Variants in C9orf72 observed in about 807,000 individuals in gnomAD.
C9orf72 encodes the protein guanine nucleotide exchange factor C9orf72.
In C9orf72, 44 loss-of-function variants were observed where a neutral mutation model predicts 51.6. The ratio of observed to expected loss-of-function variants is 0.85; its 90% CI spans 0.67 to 1.10. C9orf72 has a LOEUF of 1.10. Ranked by LOEUF, C9orf72 falls within the 50% of genes least tolerant of loss-of-function variation. C9orf72 has a pLI of 0.00. For synonymous variants in C9orf72, 213 were observed against 194.2 expected (o/e 1.10, Z -0.81); for missense variants, 607 against 570.6 (o/e 1.06, Z -0.65).
At chr9:27,570,724 G>A (rs763035005) in intron 1 of C9orf72, among the ~76,000 whole-genome samples, 9 of 152,148 alleles carry the variant, frequency 5.9e-5, no homozygotes, top group East Asian at 3.9e-4. Context: ...AAAATTAGCC[G>A]GGTGTGGTGG....
intron 7 of C9orf72, 34 bp from the exon 8 acceptor site, chr9:27,556,830 A>G (rs775411963): frequency 7.7e-7 from 1 of 1,305,696 alleles, no homozygotes; most frequent in African/African-American, 1.5e-5. Flanking sequence ...ACTGTCTTAC[A>G]TGCCAAACGA....
chr9:27,566,507 G>A (rs971080623), intron 2 of C9orf72, among the ~76,000 whole-genome samples, 170 bp downstream of exon 2: 14 of 152,130 alleles, frequency 9.2e-5, no homozygotes, highest in African/African-American at 3.4e-4. Context: ...ATATGAAGAT[G>A]ACAGGTATCA....
chr9:27,561,692 A>G, intron 4 of C9orf72, 43 bp from the exon 5 acceptor site: 1 of 1,260,766 alleles, frequency 7.9e-7, no homozygotes, highest in Non-Finnish European at 1.1e-6. Context: ...TGGCTGTAAC[A>G]TAGTGTTGAA....
At position 27,556,692 on chromosome 9, in the gene C9orf72, G is replaced by T. The variant is rs759330431; in HGVS notation, c.960C>A (p.Pro320=). The change falls in exon 8 of 11, where the codon CCC becomes CCA. Residue 320 remains proline, a synonymous_variant. Transcript: ENST00000380003. ...VDVNTVKQMP[P]CHEHIYNQRR... is the part of the protein sequence containing the mutation. The stretch of plus-strand genomic sequence containing the variant: ...GCTGATTATAAATATGTTCATGACA[G>T]GGTGGCATCTGCTTCACAGTATTGA... 3.1e-6 allele frequency: 5 copies of T among 1,613,842 alleles called. No homozygotes were observed. The highest frequency in any genetic ancestry group is 4.2e-6 in the Non-Finnish European group (5 of 1,179,798).
chr9:27,573,082 G>A (rs917026693), intron 1 of C9orf72, among the ~76,000 whole-genome samples: 3 of 152,132 alleles, frequency 2.0e-5, no homozygotes, highest in Non-Finnish European at 2.9e-5. Context: ...AGGCCTCTCA[G>A]TACCCGAGGC....
rs886063841 is a variant in C9orf72, at chr9:27,548,163, C to T, written c.*73G>A. The T allele has an allele frequency of 2.2e-5, 25 of 1,156,666 alleles. No individual in the cohort carries two copies. The Admixed American group carries it at 4.1e-4, about 19-fold the overall frequency. The allele number at this position is 1,156,666 out of a possible 1,614,324, so 71.7% of individuals were successfully genotyped here. ...AATTCTGGAGTATGATCCAGGGGAA[C>T]GTTTCCCCACACCACTGAGCTACTT... On this transcript the variant is annotated 3_prime_UTR_variant, in exon 11 of 11. Coordinates refer to ENST00000380003, the MANE Select transcript of C9orf72 (RefSeq NM_018325.5).
At chr9:27,558,393 T>G in intron 7 of C9orf72, 98 bp downstream of exon 7, 44 of 733,592 alleles carry the variant, frequency 6.0e-5, no homozygotes, top group Non-Finnish European at 7.0e-5. Context: ...CATGTCAATA[T>G]GAGATACATT....
chr9:27,548,956 T>G (rs1820846364), intron 9 of C9orf72, among the ~76,000 whole-genome samples: 1 of 152,128 alleles, frequency 6.6e-6, no homozygotes, highest in African/African-American at 2.4e-5. Context: ...GCGATTCTCC[T>G]GCCTCAGCCT....
intron 1 of C9orf72, among the ~76,000 whole-genome samples, chr9:27,572,463 C>CTTT (rs35095891): frequency 8.3e-4 from 123 of 148,052 alleles, no homozygotes; most frequent in East Asian, 2.4e-3. Context: ...TTAACAGTAT[C>CTTT]TTTTTTTTTT....
chr9:27,562,794 C>T (rs1345670054), intron 3 of C9orf72, among the ~76,000 whole-genome samples: 1 of 151,888 alleles, frequency 6.6e-6, no homozygotes, highest in Non-Finnish European at 1.5e-5. Flanking sequence ...GTCTCATCCT[C>T]CCAAGTAGCT....
intron 1 of C9orf72, among the ~76,000 whole-genome samples, chr9:27,568,778 G>A (rs1468610082): frequency 6.6e-6 from 1 of 151,510 alleles, no homozygotes; most frequent in Non-Finnish European, 1.5e-5. Context: ...CTACATTGCT[G>A]GTTTATGTAT....
intron 5 of C9orf72, chr9:27,560,974 T>C (rs1819329359): frequency 5.1e-6 from 1 of 194,188 alleles, no homozygotes; most frequent in Non-Finnish European, 9.4e-6. Flanking sequence ...TATGAGCTAT[T>C]ATTAAGTGTT....
chr9:27,550,668 C>T lies in C9orf72; in HGVS notation c.1131G>A (p.Val377=). ...CATTTACCTGATCCAGGAAGGCTTT[C>T]ACTAGAGTGTCTCTGTGTAAGACAT... ...FQDVLHRDTL[V]KAFLDQVFQL... Residue 377 remains valine, a synonymous_variant, in exon 9 of 11, where the codon GTG becomes GTA. Coordinates refer to ENST00000380003, the MANE Select transcript of C9orf72 (RefSeq NM_018325.5). 6.3e-7 allele frequency: 1 copy of T among 1,589,622 alleles called. No homozygotes were observed. The highest frequency in any genetic ancestry group is 1.3e-5 in the African/African-American group (1 of 74,248).
intron 2 of C9orf72, among the ~76,000 whole-genome samples, 161 bp from the exon 3 acceptor site, chr9:27,565,751 T>A (rs1819453883): frequency 6.6e-6 from 1 of 152,084 alleles, no homozygotes. Flanking sequence ...ACCCAACAAA[T>A]GCATGTTCTC....
At chr9:27,554,280 G>T (rs1820966076) in intron 8 of C9orf72, among the ~76,000 whole-genome samples, 1 of 152,096 alleles carries the variant, frequency 6.6e-6, no homozygotes, top group African/African-American at 2.4e-5. Context: ...GCCTATCAAT[G>T]GTAGACTGGA....
At chr9:27,560,346 T>G in intron 5 of C9orf72, 47 bp from the exon 6 acceptor site, 1 of 1,470,436 alleles carries the variant, frequency 6.8e-7, no homozygotes, top group Non-Finnish European at 9.3e-7. Context: ...ATAAAACAAT[T>G]TAACAAACTA....
chr9:27,559,302 C>T (rs1487365502), intron 6 of C9orf72: 2 of 150,564 alleles, frequency 1.3e-5, no homozygotes, highest in East Asian at 2.0e-4. Flanking sequence ...AACTATGGAG[C>T]CTTTCTCCCT....
rs780733794 is a variant in C9orf72, at chr9:27,556,751, C to T, written c.901G>A (p.Ala301Thr). The change falls in exon 8 of 11, where the codon GCT (alanine) becomes ACT (threonine). Residue 301 changes from alanine to threonine, a missense_variant. Coordinates refer to ENST00000380003, the MANE Select transcript of C9orf72 (RefSeq NM_018325.5). ...FVLPFRQVMY[A>T]PYPTTHIDVD... is the part of the protein sequence containing the mutation. ...TCTATGTGTGTGGTGGGATATGGAG[C>T]ATACATGACTTGCCGGAAAGGCAGC... is the stretch of plus-strand genomic sequence containing the variant. 3.2e-5 allele frequency: 51 copies of T among 1,613,852 alleles called. No homozygotes were observed. The highest frequency in any genetic ancestry group is 4.1e-5 in the Non-Finnish European group (48 of 1,179,876).
At chr9:27,573,511 C>A (rs1471385279), upstream of C9orf72, 713 of 69,400 alleles carry the variant, frequency 0.01, 8 homozygotes, top group African/African-American at 0.042. Context: ...GCCCCCGGGC[C>A]CGCCCCGACC....
Sources: allele counts gnomAD v4.1 joint callset (sites outside exome capture counted in the v4.1 genomes callset), GRCh38; gene constraint gnomAD v4.1.1; transcripts MANE v1.5; gene names NCBI Gene and HGNC (gene_info 2026-07-23, HGNC 2026-07-21).